Variants in KRIT1 observed in about 807,000 individuals in gnomAD.
KRIT1 encodes the protein krev interaction trapped protein 1.
Under a neutral mutation model 95.8 loss-of-function variants are expected in KRIT1, and 45 were observed. The observed-to-expected ratio is 0.47, with a 90% CI of 0.37 to 0.60. The LOEUF (loss-of-function observed/expected upper bound fraction) is 0.60. KRIT1 is among the 20% of genes least tolerant of loss of function. The pLI is 0.00. For synonymous variants in KRIT1, 282 were observed against 278.8 expected (o/e 1.01, Z -0.11); for missense variants, 788 against 877.5 (o/e 0.90, Z 1.29).
At chr7:92,213,636 G>A (rs565025085) in intron 16 of KRIT1, among the ~76,000 whole-genome samples, 2 of 151,988 alleles carry the variant, frequency 1.3e-5, no homozygotes, top group African/African-American at 2.4e-5. Context: ...CACGGGCATG[G>A]ATAGTATATT....
In KRIT1 at chr7:92,235,509, A is replaced by G. The variant is rs1187162691; in HGVS notation, c.623T>C (p.Met208Thr). The G allele has an allele frequency of 1.2e-6, 2 of 1,613,674 alleles. No individual in the cohort carries two copies. Among genetic ancestry groups the G allele is most frequent in the African/African-American group, 1.3e-5 (1 of 74,924 alleles). Residue 208 changes from methionine (M) to threonine (T), a missense_variant, in exon 8 of 19, where the codon ATG (methionine) becomes ACG (threonine). Met to Thr is a moderately conservative substitution (Grantham distance 81). Coordinates refer to ENST00000394505, the MANE Select transcript of KRIT1 (RefSeq NM_194454.3). The stretch of plus-strand genomic sequence containing the variant: ...CTTTATTTCTAGTGCACTATAGCCC[A>G]TATGTAGTGAGTTTTCTGTCTGACC... Reference protein sequence around the residue: ...ESGQTENSLHMGYSALEIKSK... With the variant: ...ESGQTENSLHTGYSALEIKSK...
chr7:92,238,380 A>T (rs1798860280), intron 5 of KRIT1, among the ~76,000 whole-genome samples: 1 of 152,242 alleles, frequency 6.6e-6, no homozygotes, highest in African/African-American at 2.4e-5. Context: ...ACTAAGAAAC[A>T]GAACCTCGTT....
At position 92,214,701 on chromosome 7, in the gene KRIT1, G is replaced by A. The variant is rs772622510; in HGVS notation, c.1640C>T (p.Pro547Leu). The A allele has an allele frequency of 9.9e-6, 16 of 1,608,164 alleles. No homozygotes were observed. ...YNLLKGFYTA[P>L]DAKLITLASL... The stretch of plus-strand genomic sequence containing the variant: ...TGCCAATGTTATCAGCTTAGCATCA[G>A]GAGCTGTATAAAAGCCCTTCAATAA... The change falls in exon 15 of 19, where the codon CCT becomes CTT. Residue 547 changes from proline to leucine, a missense_variant. This residue lies in a region of KRIT1 where 493 missense variants were observed against 582.3 expected (regional missense o/e 0.85). Transcript: ENST00000394505.
intron 12 of KRIT1, among the ~76,000 whole-genome samples, chr7:92,223,685 T>C (rs978747524): frequency 1.3e-5 from 2 of 152,124 alleles, no homozygotes; most frequent in Non-Finnish European, 2.9e-5. Context: ...GTGGGTCACA[T>C]ATAATACAAC....
Position 92,232,537 on chromosome 7 carries a change from C to T in KRIT1, c.989+1912G>A, listed in dbSNP as rs368161615. 1.8e-3 allele frequency among the ~76,000 whole-genome samples: 270 copies of T among 150,228 alleles called. 2 individuals carry two copies. Among genetic ancestry groups the T allele is most frequent in the African/African-American group, 6.1e-3 (252 of 41,126 alleles). On this transcript the variant is annotated intron_variant, in intron 10 of 18. Coordinates refer to ENST00000394505, the MANE Select transcript of KRIT1 (RefSeq NM_194454.3). ...GGGGAAAAAAAAAAAAACACCCCTG[C>T]CACAAAAAGGAGCAACTATACAGTC...
rs748019477 is a variant in KRIT1 at position 92,237,776 on chromosome 7, AG to A, written c.263-18del. 1.5e-6 allele frequency: 2 copies of A among 1,348,318 alleles called. No homozygotes were observed. Among genetic ancestry groups the A allele is most frequent in the South Asian group, 2.3e-5 (2 of 85,356 alleles). The allele number at this position is 1,348,318 out of a possible 1,614,324, so 83.5% of individuals were successfully genotyped here. A position where few individuals can be genotyped will look rare whatever the true frequency, so the allele number is the denominator to read the frequency against. On this transcript the variant is annotated intron_variant, in intron 5 of 18. Coordinates refer to ENST00000394505, the MANE Select transcript of KRIT1 (RefSeq NM_194454.3). The stretch of plus-strand genomic sequence containing the variant: ...CTCGTTTTCCTAATCATTTTTAAAA[AG>A]TTAGCAAAACAAAAATAATACACTT...
Position 92,200,408 on chromosome 7 carries a change from G to C in KRIT1, c.*328C>G, listed in dbSNP as rs1018898741. On this transcript the variant is annotated 3_prime_UTR_variant, in exon 19 of 19. Transcript: ENST00000394505. ...CTTGCTGTGTCACCCAGGCTAGCGT[G>C]CCGTGGTGCAATCTTGGCTCACTAC... 1.0e-5 allele frequency: 3 copies of C among 295,328 alleles called. No homozygotes were observed. Among genetic ancestry groups the C allele is most frequent in the Non-Finnish European group, 1.9e-5 (3 of 153,900 alleles). The allele number at this position is 295,328 out of a possible 1,614,324, so 18.3% of individuals were successfully genotyped here. A position where few individuals can be genotyped will look rare whatever the true frequency, so the allele number is the denominator to read the frequency against.
intron 4 of KRIT1, among the ~76,000 whole-genome samples, chr7:92,241,748 G>A (rs1799698729): frequency 6.6e-6 from 1 of 152,178 alleles, no homozygotes; most frequent in Non-Finnish European, 1.5e-5. Context: ...GACTTTTGCA[G>A]TGGTTTTTAA....
At chr7:92,203,777 C>G (rs1000756633) in intron 17 of KRIT1, among the ~76,000 whole-genome samples, 1 of 152,176 alleles carries the variant, frequency 6.6e-6, no homozygotes, top group African/African-American at 2.4e-5. Context: ...GAATGATTTG[C>G]AGATGTTGGT....
intron 7 of KRIT1, chr7:92,236,051 G>C (rs931326230): frequency 6.0e-5 from 15 of 250,642 alleles, no homozygotes; most frequent in African/African-American, 3.5e-4. Flanking sequence ...AAACTACTGA[G>C]ATGTAGGTGA....
chr7:92,224,941 C>T (rs530107062), intron 12 of KRIT1, among the ~76,000 whole-genome samples: 7 of 151,794 alleles, frequency 4.6e-5, no homozygotes, highest in East Asian at 1.9e-4. Context: ...GGGAGGATCA[C>T]GAGGTCAGGT....
rs745460094 is a variant in KRIT1, at chr7:92,222,976, A to G, written c.1257T>C (p.Tyr419=). ...CCATTCTGTATATTCGAACTTTTTC[A>G]TACTACAAGAAACGATAACTTACGT... ...KLLKEAINKP[Y]EKVRIYRMDG... The change falls in exon 13 of 19, where the codon TAT becomes TAC. Residue 419 remains tyrosine (Y), a splice_region_variant and synonymous_variant. Coordinates refer to ENST00000394505, the MANE Select transcript of KRIT1 (RefSeq NM_194454.3). The G allele has an allele frequency of 6.2e-7, 1 of 1,601,902 alleles. No individual in the cohort carries two copies. The highest frequency in any genetic ancestry group is 8.5e-7 in the Non-Finnish European group (1 of 1,169,758).
intron 17 of KRIT1, among the ~76,000 whole-genome samples, chr7:92,212,779 T>C (rs769235224): frequency 3.9e-5 from 6 of 152,240 alleles, no homozygotes; most frequent in Non-Finnish European, 7.3e-5. Context: ...TCCTTACTTT[T>C]ATTCCTAGTT....
At chr7:92,199,056 A>G (rs1789701473), downstream of KRIT1, 1 of 152,254 alleles carries the variant, frequency 6.6e-6, no homozygotes, top group African/African-American at 2.4e-5. Context: ...AGTTCTCTGT[A>G]GACCATTTAG....
At chr7:92,228,681 C>T (rs1796691498) in intron 10 of KRIT1, among the ~76,000 whole-genome samples, 1 of 152,100 alleles carries the variant, frequency 6.6e-6, no homozygotes, top group African/African-American at 2.4e-5. Context: ...CAGATTATTT[C>T]ACCACCCAGG....
rs201130221 is a variant in KRIT1, at chr7:92,242,160, T to A, written c.-2-23A>T. 3.1e-5 allele frequency: 42 copies of A among 1,342,750 alleles called. No homozygotes were observed. In the East Asian group the frequency reaches 8.0e-4, roughly 26 times the overall value. The allele number at this position is 1,342,750 out of a possible 1,614,324, so 83.2% of individuals were successfully genotyped here. A position where few individuals can be genotyped will look rare whatever the true frequency, so the allele number is the denominator to read the frequency against. ...TTGCTTTACAAAACAAATAAAAAAATCCTTTGAAAGATTAAATGACACATT... is the reference window on the plus strand; with the variant it reads ...TTGCTTTACAAAACAAATAAAAAAAACCTTTGAAAGATTAAATGACACATT... On this transcript the variant is annotated intron_variant, in intron 3 of 18. Transcript: ENST00000394505.
At chr7:92,225,427 C>T (rs1174676333) in intron 12 of KRIT1, among the ~76,000 whole-genome samples, 1 of 152,048 alleles carries the variant, frequency 6.6e-6, no homozygotes, top group Non-Finnish European at 1.5e-5. Flanking sequence ...CCTGTCTCAG[C>T]CTCCTGAGTA....
In KRIT1 at chr7:92,236,532, TTTAG is replaced by T; in HGVS notation, c.362_365del (p.Thr121AsnfsTer36). ...TTGGGCATCCTGGGGTATATGTGTA[TTTAG>T]TATTATCTGAAAAAGAAAAATGAAG... On this transcript the variant is annotated frameshift_variant, in exon 7 of 19. Coordinates refer to ENST00000394505, the MANE Select transcript of KRIT1 (RefSeq NM_194454.3). LOFTEE classifies it high-confidence loss of function. 6.5e-7 allele frequency: 1 copy of T among 1,540,084 alleles called. No individual in the cohort carries two copies. Among genetic ancestry groups the T allele is most frequent in the Non-Finnish European group, 9.0e-7 (1 of 1,113,474 alleles).
rs746443178 is a variant in KRIT1, at chr7:92,201,423, C to T, written c.2026G>A (p.Ala676Thr). 18 of 1,390,744 alleles carry T rather than the reference C, an allele frequency of 1.3e-5. No homozygotes were observed. Among genetic ancestry groups the T allele is most frequent in the Non-Finnish European group, 1.8e-5 (18 of 976,666 alleles). The allele number at this position is 1,390,744 out of a possible 1,614,324, so 86.2% of individuals were successfully genotyped here. A position where few individuals can be genotyped will look rare whatever the true frequency, so the allele number is the denominator to read the frequency against. ...GLHLLNMETKALLISLKYGCF... is the reference protein window; with the variant it reads ...GLHLLNMETKTLLISLKYGCF... Reference sequence around the variant, plus strand: ...CCATACTTAAGACTGATGAGTAAAGCCTGCAACATAATTGGAAACAACTAT... The same window carrying T: ...CCATACTTAAGACTGATGAGTAAAGTCTGCAACATAATTGGAAACAACTAT... The change falls in exon 18 of 19, where the codon GCT (alanine) becomes ACT (threonine). Residue 676 changes from alanine (A) to threonine (T), a missense_variant and splice_region_variant. By Grantham distance (58) the Ala-to-Thr change is moderately conservative. Coordinates refer to ENST00000394505, the MANE Select transcript of KRIT1 (RefSeq NM_194454.3).
Sources: allele counts gnomAD v4.1 joint callset (sites outside exome capture counted in the v4.1 genomes callset), GRCh38; gene constraint gnomAD v4.1.1; regional missense constraint gnomAD v4.1.1; transcripts MANE v1.5; gene names NCBI Gene and HGNC (gene_info 2026-07-23, HGNC 2026-07-21).